The following GCFC2 variants were observed in gnomAD, a reference collection of about 807,000 sequenced individuals.
The protein encoded by GCFC2 is intron Large complex component GCFC2.
A neutral mutation model predicts 99.4 loss-of-function variants in GCFC2; 102 were observed. That is an observed-to-expected ratio of 1.03 (90% CI 0.87 to 1.21). The LOEUF (loss-of-function observed/expected upper bound fraction) is 1.21, where lower values mean the gene tolerates loss of function less well. GCFC2 is among the 50% of genes most tolerant of loss of function. The pLI is 0.00. For synonymous variants in GCFC2, 338 were observed against 316.8 expected, an observed-to-expected ratio of 1.07 and a Z score of -0.71; for missense variants, 973 against 920.9, an observed-to-expected ratio of 1.06 and a Z score of -0.73.
In GCFC2 at chr2:75,664,253, G is replaced by GATTT. The variant is rs1678730112; in HGVS notation, c.*409_*412dup. The GATTT allele has an allele frequency of 6.6e-6, 1 of 152,552 alleles. No individual in the cohort carries two copies. The highest frequency in any genetic ancestry group is 1.5e-5 in the Non-Finnish European group (1 of 68,298). The allele number at this position is 152,552 out of a possible 1,614,324, so 9.4% of individuals were successfully genotyped here. On this transcript the variant is annotated 3_prime_UTR_variant, in exon 17 of 17. Transcript: ENST00000321027. ...TTAGCAAATAATTCACTCCAACTGA[G>GATTT]ATTTTCATATTGACTTATTTTTAAA...
intron 15 of GCFC2, among the ~76,000 whole-genome samples, chr2:75,667,818 T>A (rs1251700845): frequency 6.6e-6 from 1 of 152,192 alleles, no homozygotes; most frequent in Non-Finnish European, 1.5e-5. Context: ...TAATAGACCC[T>A]ATGGTCAAAG....
chr2:75,673,270 T>A (rs1679199715), intron 13 of GCFC2, among the ~76,000 whole-genome samples, 174 bp downstream of exon 13: 1 of 150,870 alleles, frequency 6.6e-6, no homozygotes, highest in Non-Finnish European at 1.5e-5. Flanking sequence ...ATCGCGCCAC[T>A]GCACTCCAGC....
rs1428093104 is a variant in GCFC2 at position 75,689,083 on chromosome 2, T to C, written c.1482A>G (p.Ile494Met). 6.3e-7 allele frequency: 1 copy of C among 1,599,992 alleles called. No individual in the cohort carries two copies. The highest frequency in any genetic ancestry group is 8.6e-7 in the Non-Finnish European group (1 of 1,169,180). ...GTATTAGGGGATTTAAAAGCTTTGG[T>C]ATGCATAAACTAATGAAAGCTTCAT... ...SYYEAFISLC[I>M]PKLLNPLIRV... Residue 494 changes from isoleucine to methionine, a missense_variant, in exon 10 of 17, where the codon ATA becomes ATG. By Grantham distance (10) the Ile-to-Met change is conservative. Transcript: ENST00000321027.
intron 2 of GCFC2, among the ~76,000 whole-genome samples, chr2:75,705,872 A>G (rs764861215): frequency 7.2e-5 from 11 of 152,300 alleles, no homozygotes; most frequent in Non-Finnish European, 1.3e-4. Flanking sequence ...TCTTTGTGGC[A>G]ACTTCTCAAC....
At chr2:75,670,344 C>T (rs2104207894) in intron 14 of GCFC2, 60 bp from the exon 15 acceptor site, 2 of 1,196,132 alleles carry the variant, frequency 1.7e-6, no homozygotes, top group South Asian at 2.6e-5. Context: ...GTAATAGTCT[C>T]TAACAAACAT....
At position 75,662,920 on chromosome 2, in the gene GCFC2, A is replaced by C. The variant is rs73936764; in HGVS notation, c.*1746T>G. 1,046 of 151,500 alleles carry C rather than the reference A, an allele frequency of 6.9e-3. 9 individuals are homozygous for C. Among genetic ancestry groups the C allele is most frequent in the African/African-American group, 0.024 (1,000 of 41,360 alleles). The allele number at this position is 151,500 out of a possible 1,614,324, so 9.4% of individuals were successfully genotyped here. ...CCACTTACGTAAAAAAAAAAAAAAA[A>C]CCCAAAACTATGTACACATAGAAAC... On this transcript the variant is annotated 3_prime_UTR_variant, in exon 17 of 17. Transcript: ENST00000321027.
At chr2:75,687,774 TTATA>T in intron 11 of GCFC2, 49 bp downstream of exon 11, 1 of 1,377,828 alleles carries the variant, frequency 7.3e-7, no homozygotes, top group Middle Eastern at 1.8e-4. Flanking sequence ...ATTAACAACC[TTATA>T]TACTCTGTCA....
At position 75,690,014 on chromosome 2, in the gene GCFC2, C is replaced by T; in HGVS notation, c.1294G>A (p.Asp432Asn). 7.5e-6 allele frequency: 12 copies of T among 1,609,804 alleles called. No homozygotes were observed. Among genetic ancestry groups the T allele is most frequent in the Non-Finnish European group, 1.0e-5 (12 of 1,177,074 alleles). The change falls in exon 9 of 17, where the codon GAT becomes AAT. Residue 432 changes from aspartate to asparagine, a missense_variant. By Grantham distance (23) the Asp-to-Asn change is conservative. Transcript: ENST00000321027. ...ATCATCTCTGCTGAAGGCAGTTCAT[C>T]ATCACTAGATGTTCCTTCCTGATGG... ...CNHQEGTSSD[D>N]ELPSAEMIDF...
At chr2:75,702,561 G>T in intron 2 of GCFC2, 138 bp from the exon 3 acceptor site, 1 of 646,280 alleles carries the variant, frequency 1.5e-6, no homozygotes, top group Non-Finnish European at 2.6e-6. Context: ...TTTAATAAAT[G>T]GCTCAAAATC....
chr2:75,669,597 C>T (rs998834879), intron 15 of GCFC2, among the ~76,000 whole-genome samples: 3 of 152,192 alleles, frequency 2.0e-5, no homozygotes, highest in African/African-American at 7.2e-5. Flanking sequence ...ACTTAACATT[C>T]TTTTTGTAAA....
chr2:75,710,087 C>T (rs573868097), intron 1 of GCFC2, among the ~76,000 whole-genome samples: 9 of 152,262 alleles, frequency 5.9e-5, no homozygotes, highest in African/African-American at 2.2e-4. Flanking sequence ...GTATATATTA[C>T]TATTAGTTTT....
At chr2:75,669,738 AT>A (rs1024217885) in intron 15 of GCFC2, among the ~76,000 whole-genome samples, 9 of 148,016 alleles carry the variant, frequency 6.1e-5, no homozygotes, top group Non-Finnish European at 6.0e-5. Context: ...TCATTTGTCA[AT>A]TTTTTTTTTT....
At chr2:75,695,744 G>C (rs530315992) in intron 5 of GCFC2, among the ~76,000 whole-genome samples, 22 of 152,268 alleles carry the variant, frequency 1.4e-4, no homozygotes, top group Admixed American at 4.6e-4. Flanking sequence ...CTGAACACAA[G>C]CACTGTGATA....
At chr2:75,693,437 C>T (rs1354718150) in intron 6 of GCFC2, among the ~76,000 whole-genome samples, 4 of 151,968 alleles carry the variant, frequency 2.6e-5, no homozygotes, top group Admixed American at 1.3e-4. Flanking sequence ...GAGACTCTGT[C>T]CCCCTCACTA....
intron 4 of GCFC2, among the ~76,000 whole-genome samples, chr2:75,699,359 A>C (rs936137491): frequency 1.3e-5 from 2 of 152,232 alleles, no homozygotes; most frequent in Admixed American, 6.5e-5. Flanking sequence ...CTTTTGGCTT[A>C]CAAGTATCAT....
intron 15 of GCFC2, 144 bp downstream of exon 15, chr2:75,669,994 G>C (rs1679018399): frequency 1.9e-6 from 1 of 520,576 alleles, no homozygotes; most frequent in Admixed American, 3.1e-5. Context: ...CAAAGTGCTG[G>C]GATTACAGGC....
chr2:75,686,998 G>T (rs1050649576), intron 11 of GCFC2, among the ~76,000 whole-genome samples: 1 of 151,486 alleles, frequency 6.6e-6, no homozygotes, highest in Non-Finnish European at 1.5e-5. Flanking sequence ...GCAATGGCAC[G>T]ATCTCGGCTC....
chr2:75,694,369 G>C lies in GCFC2; in HGVS notation c.892C>G (p.Gln298Glu). 1 of 1,531,930 alleles carries C rather than the reference G, an allele frequency of 6.5e-7. No homozygotes were observed. The allele number at this position is 1,531,930 out of a possible 1,614,324, so 94.9% of individuals were successfully genotyped here. A position where few individuals can be genotyped will look rare whatever the true frequency, so the allele number is the denominator to read the frequency against. The change falls in exon 6 of 17, where the codon CAA becomes GAA. Residue 298 changes from glutamine to glutamate, a missense_variant. Coordinates refer to ENST00000321027, the MANE Select transcript of GCFC2 (RefSeq NM_003203.5). The stretch of plus-strand genomic sequence containing the variant: ...GTACTCTTTGAGCTTTTGACATCTT[G>C]TACGTATTTTTCATACTCCCTCAGG... ...SHLREYEKYV[Q>E]DVKSSKSTIQ...
chr2:75,710,604 C>T lies in GCFC2; in HGVS notation c.252G>A (p.Ala84=). Residue 84 remains alanine, a synonymous_variant, in exon 1 of 17, where the codon GCG becomes GCA. Coordinates refer to ENST00000321027, the MANE Select transcript of GCFC2 (RefSeq NM_003203.5). The part of the protein sequence containing the change: ...SRRATKAAPR[A]DEGSESRTLD... ...CTCCCTGGACACCTGAGCCTTCGTC[C>T]GCGCGGGGAGCCGCTTTGGTGGCAC... 1.3e-6 allele frequency: 2 copies of T among 1,514,202 alleles called. No homozygotes were observed. 93.8% of individuals were successfully genotyped at this position (1,514,202 alleles called of 1,614,324 possible).
Sources: gnomAD v4.1 joint callset for allele counts (sites outside exome capture counted in the v4.1 genomes callset) on GRCh38, gnomAD v4.1.1 for gene constraint, MANE v1.5 for transcripts, NCBI Gene and HGNC (gene_info 2026-07-23, HGNC 2026-07-21) for gene names.